The following RAPGEF2 variants were observed in gnomAD, a reference collection of about 807,000 sequenced individuals.
The protein encoded by RAPGEF2 is PDZ domain containing guanine nucleotide exchange factor (GEF) 1.
A neutral mutation model predicts 186.7 loss-of-function variants in RAPGEF2; 54 were observed. That is an observed-to-expected ratio of 0.29 (90% CI 0.23 to 0.36). RAPGEF2 has a LOEUF of 0.36. RAPGEF2 is among the 10% of genes least tolerant of loss of function. The probability of loss-of-function intolerance (pLI) is 1.00; values close to 1 mark genes in which losing one functional copy is unlikely to be tolerated. For synonymous variants in RAPGEF2, 712 were observed against 705.9 expected (o/e 1.01, Z -0.14); for missense variants, 1,532 against 2,045.0 (o/e 0.75, Z 4.84).
At chr4:159,178,109 A>G (rs1019541910) in intron 1 of RAPGEF2, among the ~76,000 whole-genome samples, 19 of 152,340 alleles carry the variant, frequency 1.2e-4, no homozygotes, top group East Asian at 1.9e-4. Context: ...AAAGGAATCA[A>G]TCCACTTCCA....
chr4:159,267,471 G>A (rs1175597793), intron 7 of RAPGEF2, among the ~76,000 whole-genome samples: 2 of 152,186 alleles, frequency 1.3e-5, no homozygotes, highest in African/African-American at 2.4e-5. Context: ...ATGTCCATCA[G>A]TGTCATGCTG....
chr4:159,339,465 G>A lies in RAPGEF2; in HGVS notation c.2534+111G>A, dbSNP rs878989305. 5.0e-5 allele frequency: 66 copies of A among 1,311,116 alleles called. No homozygotes were observed. In the African/African-American group the frequency reaches 8.1e-4, roughly 16 times the overall value. 81.2% of individuals were successfully genotyped at this position (1,311,116 alleles called of 1,614,324 possible). A position where few individuals can be genotyped will look rare whatever the true frequency, so the allele number is the denominator to read the frequency against. On this transcript the variant is annotated intron_variant, in intron 19 of 29. Coordinates refer to ENST00000691494, the MANE Select transcript of RAPGEF2 (RefSeq NM_001394067.2). ...TTTTTAAATGAGTAAGTGTCCCTGC[G>A]ATTAAAAAGTATTGTTGTTGTTTTT...
intron 3 of RAPGEF2, among the ~76,000 whole-genome samples, chr4:159,203,191 C>A: frequency 6.6e-6 from 1 of 152,200 alleles, no homozygotes; most frequent in Middle Eastern, 3.4e-3. Context: ...AGGATATTGC[C>A]GAGGAGGCTC....
At chr4:159,344,678 G>A (rs1730041479) in intron 23 of RAPGEF2, among the ~76,000 whole-genome samples, 1 of 152,104 alleles carries the variant, frequency 6.6e-6, no homozygotes, top group Admixed American at 6.5e-5. Flanking sequence ...GGCATAAGAA[G>A]ACAATTTTGA....
In RAPGEF2 at chr4:159,103,122, A is replaced by C. The variant is rs1341071225; in HGVS notation, c.-1041A>C. 1 of 152,314 alleles carries C rather than the reference A, an allele frequency of 6.6e-6. No homozygotes were observed. The highest frequency in any genetic ancestry group is 2.4e-5 in the African/African-American group (1 of 41,376). 9.4% of individuals were successfully genotyped at this position (152,314 alleles called of 1,614,324 possible). On this transcript the variant is annotated 5_prime_UTR_variant, in exon 1 of 30. Transcript: ENST00000691494. ...CCGGAGAAGGCGCAGGAGGAGGAAG[A>C]GGCGGAGGAAGAGGAGGGGAATCGC...
At chr4:159,287,629 TTTTTG>T (rs1206146443) in intron 7 of RAPGEF2, among the ~76,000 whole-genome samples, 2 of 152,164 alleles carry the variant, frequency 1.3e-5, no homozygotes, top group African/African-American at 4.8e-5. Context: ...AATATGTTAA[TTTTTG>T]TTTACATGCA....
chr4:159,351,889 T>G (rs1038349613), intron 26 of RAPGEF2, among the ~76,000 whole-genome samples: 4 of 152,162 alleles, frequency 2.6e-5, no homozygotes, highest in African/African-American at 4.8e-5. Flanking sequence ...AGGTGGAGTT[T>G]TCAGTGAGCC....
At chr4:159,280,894 A>G (rs6834008) in intron 7 of RAPGEF2, among the ~76,000 whole-genome samples, 49,681 of 152,062 alleles carry the variant, frequency 0.33, 8,687 homozygotes, top group Non-Finnish European at 0.4. Context: ...TAGTAAAACA[A>G]TAAAGTACTT....
rs558717672 is a variant in RAPGEF2, at chr4:159,133,567, AC to A, written c.69+29337del. ...GCTGGGATTACGGGCGCCTGCCACC[AC>A]GCGTGGCTACTTTTTTGTATATTAT... On this transcript the variant is annotated intron_variant, in intron 1 of 29. Transcript: ENST00000691494. Among the ~76,000 whole-genome samples, 1,263 of 151,492 alleles carry A rather than the reference AC, an allele frequency of 8.3e-3. 23 individuals are homozygous for A. The highest frequency in any genetic ancestry group is 0.029 in the African/African-American group (1,199 of 41,222).
chr4:159,286,970 T>C (rs1358166125), intron 7 of RAPGEF2, among the ~76,000 whole-genome samples: 1 of 152,216 alleles, frequency 6.6e-6, no homozygotes, highest in Non-Finnish European at 1.5e-5. Context: ...CTGTCTGTAA[T>C]GTCTAGGATG....
intron 8 of RAPGEF2, among the ~76,000 whole-genome samples, chr4:159,313,885 A>T (rs923841931): frequency 6.6e-6 from 1 of 152,214 alleles, no homozygotes; most frequent in Admixed American, 6.5e-5. Context: ...CTGTTCTAGG[A>T]TTGAGCTAGT....
intron 1 of RAPGEF2, among the ~76,000 whole-genome samples, chr4:159,117,583 G>C (rs140480942): frequency 2.1e-5 from 3 of 143,438 alleles, no homozygotes; most frequent in Middle Eastern, 3.6e-3. Context: ...CGATGGTTGG[G>C]TTTTTTTTTT....
intron 7 of RAPGEF2, among the ~76,000 whole-genome samples, chr4:159,261,996 C>G (rs1756931287): frequency 6.6e-6 from 1 of 152,148 alleles, no homozygotes; most frequent in Non-Finnish European, 1.5e-5. Flanking sequence ...ATTTAAAACT[C>G]TGGATTTTGT....
intron 7 of RAPGEF2, among the ~76,000 whole-genome samples, chr4:159,260,360 A>G (rs1054982641): frequency 6.6e-6 from 1 of 152,012 alleles, no homozygotes; most frequent in African/African-American, 2.4e-5. Context: ...AAAATCTTGG[A>G]ATGAAGGAGT....
At chr4:159,312,032 G>T (rs1453956518) in intron 8 of RAPGEF2, among the ~76,000 whole-genome samples, 1 of 152,120 alleles carries the variant, frequency 6.6e-6, no homozygotes, top group African/African-American at 2.4e-5. Context: ...TTCAGTTTGG[G>T]AGAGATAAAT....
chr4:159,188,463 A>G (rs1478069379), intron 2 of RAPGEF2, among the ~76,000 whole-genome samples: 2 of 152,088 alleles, frequency 1.3e-5, no homozygotes, highest in Non-Finnish European at 2.9e-5. Flanking sequence ...CAGGAGTTCA[A>G]CACTAGCCTG....
At position 159,329,803 on chromosome 4, in the gene RAPGEF2, G is replaced by A. The variant is rs73859129; in HGVS notation, c.1150-55G>A. On this transcript the variant is annotated intron_variant, in intron 11 of 29. Transcript: ENST00000691494. Reference sequence around the variant, plus strand: ...ATTAAAACACTGAATTATTAGTACTGCTAGGTCTTTTGCAAGCACTTTATC... The same window carrying A: ...ATTAAAACACTGAATTATTAGTACTACTAGGTCTTTTGCAAGCACTTTATC... The A allele has an allele frequency of 1.2e-3, 1,779 of 1,460,426 alleles. 11 individuals are homozygous for A. In the African/African-American group the frequency reaches 0.022, roughly 18 times the overall value. The allele number at this position is 1,460,426 out of a possible 1,614,324, so 90.5% of individuals were successfully genotyped here.
At chr4:159,330,226 T>C (rs1766459984) in intron 12 of RAPGEF2, 108 bp from the exon 13 acceptor site, 3 of 876,756 alleles carry the variant, frequency 3.4e-6, no homozygotes, top group Non-Finnish European at 5.2e-6. Context: ...GAAATCCCAG[T>C]ACCATATAAA....
chr4:159,199,682 T>C, intron 3 of RAPGEF2, among the ~76,000 whole-genome samples: 1 of 152,158 alleles, frequency 6.6e-6, no homozygotes, highest in East Asian at 1.9e-4. Context: ...TTTATATCCT[T>C]TCTGATGTGA....
Sources: allele counts gnomAD v4.1 joint callset (sites outside exome capture counted in the v4.1 genomes callset), GRCh38; gene constraint gnomAD v4.1.1; transcripts MANE v1.5; gene names NCBI Gene and HGNC (gene_info 2026-07-23, HGNC 2026-07-21).